The following B4GALNT2 variants were observed in gnomAD, a reference collection of about 807,000 sequenced individuals.
B4GALNT2 encodes the protein N-acetylneuraminylgalactosylglucosyl-glucoside beta-1,4-N- acetylgalactosaminyltransferase 2.
B4GALNT2 carries 42 observed loss-of-function variants against 51.1 expected under a neutral mutation model. That is an observed-to-expected ratio of 0.82 (90% CI 0.64 to 1.06). B4GALNT2 has a LOEUF of 1.06. Among genes scored for constraint, B4GALNT2 ranks in the 50% least tolerant of loss-of-function variants. The pLI is 0.00. For missense variants in B4GALNT2, 602 were observed against 633.6 expected (o/e 0.95, Z 0.54); for synonymous variants, 253 against 251.7 (o/e 1.01, Z -0.05).
rs368160389 is a variant in B4GALNT2 at position 49,140,951 on chromosome 17, G to T, written c.15-296G>T. Among the ~76,000 whole-genome samples, 414 of 151,734 alleles carry T rather than the reference G, an allele frequency of 2.7e-3. 7 individuals are homozygous for T. The highest frequency in any genetic ancestry group is 9.2e-3 in the African/African-American group (380 of 41,378). On this transcript the variant is annotated intron_variant, in intron 1 of 10. Coordinates refer to ENST00000393354, the MANE Select transcript of B4GALNT2 (RefSeq NM_001159387.2). The stretch of plus-strand genomic sequence containing the variant: ...CCAGGATGGTCTTGATTTCTTGACC[G>T]CGTGATCCGCCTGCCTCGGCCTCCC...
upstream of B4GALNT2, chr17:49,132,532 T>TAGG: frequency 2.5e-6 from 1 of 399,510 alleles, no homozygotes; most frequent in Non-Finnish European, 4.4e-6. Context: ...GGTGATAGAC[T>TAGG]AGGGGTGGAC....
intron 3 of B4GALNT2, among the ~76,000 whole-genome samples, chr17:49,142,493 C>T (rs953831945): frequency 6.6e-6 from 1 of 151,682 alleles, no homozygotes; most frequent in African/African-American, 2.4e-5. Flanking sequence ...AGTTTGAGAC[C>T]AGCTTGGGCA....
intron 10 of B4GALNT2, among the ~76,000 whole-genome samples, 161 bp downstream of exon 10, chr17:49,169,061 T>C (rs2042937551): frequency 1.3e-5 from 2 of 152,110 alleles, no homozygotes; most frequent in African/African-American, 4.8e-5. Context: ...AGGGAGCTCT[T>C]GATCTCTCTT....
At chr17:49,143,070 G>A (rs1451328005) in intron 3 of B4GALNT2, among the ~76,000 whole-genome samples, 1 of 152,116 alleles carries the variant, frequency 6.6e-6, no homozygotes, top group Non-Finnish European at 1.5e-5. Flanking sequence ...CCAACATGGT[G>A]AAACCCCATC....
chr17:49,152,590 C>A (rs976901057), intron 3 of B4GALNT2, among the ~76,000 whole-genome samples: 2 of 152,156 alleles, frequency 1.3e-5, no homozygotes, highest in African/African-American at 2.4e-5. Context: ...GCAGGAGAAT[C>A]GCTTGAGCCC....
Position 49,132,800 on chromosome 17 carries a change from C to G in B4GALNT2, c.8C>G (p.Ser3Trp). Reference sequence around the variant, plus strand: ...AGGGCGGCGGGATTCGGGATGACTTCGGGCGGGTGAGTGTCCCCGGGGCAG... The same window carrying G: ...AGGGCGGCGGGATTCGGGATGACTTGGGGCGGGTGAGTGTCCCCGGGGCAG... MT[S>W]GGSRFLWLLK... is the part of the protein sequence containing the mutation. The change falls in exon 1 of 11, where the codon TCG becomes TGG. Residue 3 changes from serine (S) to tryptophan (W), a missense_variant. Physicochemically the swap from Ser to Trp is radical, Grantham distance 177 (BLOSUM62 -3). Coordinates refer to ENST00000393354, the MANE Select transcript of B4GALNT2 (RefSeq NM_001159387.2). The G allele has an allele frequency of 7.3e-7, 1 of 1,375,262 alleles. No homozygotes were observed. Among genetic ancestry groups the G allele is most frequent in the Non-Finnish European group, 9.4e-7 (1 of 1,062,768 alleles). The allele number at this position is 1,375,262 out of a possible 1,614,324, so 85.2% of individuals were successfully genotyped here.
chr17:49,156,518 C>T lies in B4GALNT2; in HGVS notation c.461-48C>T, dbSNP rs371909190. 198 of 1,604,606 alleles carry T rather than the reference C, an allele frequency of 1.2e-4. 1 individual carries two copies. The Middle Eastern group carries it at 2.3e-3, about 19-fold the overall frequency. ...GGTTGGCGAGAGCAGCGGGGAGCTG[C>T]GATGTCTTTCATGAGCAGTTTTCTT... On this transcript the variant is annotated intron_variant, in intron 4 of 10. Transcript: ENST00000393354.
At chr17:49,150,982 T>C (rs2042748688) in intron 3 of B4GALNT2, among the ~76,000 whole-genome samples, 1 of 152,190 alleles carries the variant, frequency 6.6e-6, no homozygotes, top group East Asian at 1.9e-4. Flanking sequence ...GTATTCACTA[T>C]GATGATCTAA....
In B4GALNT2 at chr17:49,168,906, A is replaced by G; in HGVS notation, c.1315+6A>G. ...GCAACGAGTGGCTCACTCAGGTGGG[A>G]AGGCTGAAAGAGTGAGGGAGGGAGC... On this transcript the variant is annotated splice_donor_region_variant and intron_variant, in intron 10 of 10. Transcript: ENST00000393354. 4 of 1,610,360 alleles carry G rather than the reference A, an allele frequency of 2.5e-6. No individual in the cohort carries two copies. Among genetic ancestry groups the G allele is most frequent in the Non-Finnish European group, 2.5e-6 (3 of 1,178,820 alleles).
intron 10 of B4GALNT2, 78 bp downstream of exon 10, chr17:49,168,978 C>T: frequency 7.0e-7 from 1 of 1,427,266 alleles, no homozygotes; most frequent in Non-Finnish European, 9.5e-7. Context: ...AAGGGCTGTA[C>T]CCGGCTGGCT....
upstream of B4GALNT2, among the ~76,000 whole-genome samples, chr17:49,131,890 T>A (rs534174360): frequency 6.6e-6 from 1 of 152,264 alleles, no homozygotes; most frequent in South Asian, 2.1e-4. Context: ...CCTAGCACTT[T>A]GGGAGGCCGA....
At chr17:49,147,284 A>T (rs958724740) in intron 3 of B4GALNT2, among the ~76,000 whole-genome samples, 4 of 152,294 alleles carry the variant, frequency 2.6e-5, no homozygotes, top group African/African-American at 9.6e-5. Context: ...TTCCATTAAA[A>T]AGCAGCATGT....
At chr17:49,152,536 C>T (rs192147619) in intron 3 of B4GALNT2, among the ~76,000 whole-genome samples, 41 of 152,210 alleles carry the variant, frequency 2.7e-4, no homozygotes, top group Admixed American at 1.8e-3. Context: ...ATTAGCCGGG[C>T]GTGGAGGCGC....
chr17:49,171,777 T>G lies in B4GALNT2; in HGVS notation c.*2049T>G, dbSNP rs2042959042. The G allele has an allele frequency of 2.4e-6, 1 of 421,168 alleles. No individual in the cohort carries two copies. Among genetic ancestry groups the G allele is most frequent in the Admixed American group, 2.9e-5 (1 of 34,610 alleles). 26.1% of individuals were successfully genotyped at this position (421,168 alleles called of 1,614,324 possible). On this transcript the variant is annotated 3_prime_UTR_variant, in exon 11 of 11. Transcript: ENST00000393354. ...TCCATAGGAATCGTTGTGCAGCACC[T>G]CTACCTGTTCTGCAATGCAATCTTC...
Position 49,142,113 on chromosome 17 carries a change from G to C in B4GALNT2, c.294G>C (p.Gln98His). The change falls in exon 3 of 11, where the codon CAG becomes CAC. Residue 98 changes from glutamine (Q) to histidine (H), a missense_variant. Physicochemically the swap from Gln to His is conservative, Grantham distance 24. Coordinates refer to ENST00000393354, the MANE Select transcript of B4GALNT2 (RefSeq NM_001159387.2). ...GGYNFQDAYG[Q>H]SDLPAVKARR... Reference sequence around the variant, plus strand: ...ACAACTTTCAGGATGCCTATGGCCAGAGCGACCTCCCAGCGGTGAAAGCGA... The same window carrying C: ...ACAACTTTCAGGATGCCTATGGCCACAGCGACCTCCCAGCGGTGAAAGCGA... 1.2e-6 allele frequency: 2 copies of C among 1,614,124 alleles called. No homozygotes were observed. Among genetic ancestry groups the C allele is most frequent in the Non-Finnish European group, 1.7e-6 (2 of 1,180,032 alleles).
upstream of B4GALNT2, among the ~76,000 whole-genome samples, chr17:49,131,397 T>C (rs2042537138): frequency 7.3e-6 from 1 of 137,124 alleles, no homozygotes; most frequent in Non-Finnish European, 1.5e-5. Context: ...CTCACCTGCA[T>C]CAAAGTTGTA....
intron 9 of B4GALNT2, 110 bp from the exon 10 acceptor site, chr17:49,168,571 G>A: frequency 9.2e-7 from 1 of 1,083,766 alleles, no homozygotes; most frequent in Non-Finnish European, 1.4e-6. Context: ...GATAGACAGA[G>A]AAATAACAAT....
At chr17:49,130,984 CAGGGGGTTTGA>C (rs2042534510), upstream of B4GALNT2, among the ~76,000 whole-genome samples, 1 of 152,158 alleles carries the variant, frequency 6.6e-6, no homozygotes, top group Non-Finnish European at 1.5e-5. Flanking sequence ...GCTGGTGATA[CAGGGGGTTTGA>C]GGGAGCCAGC....
intron 9 of B4GALNT2, among the ~76,000 whole-genome samples, chr17:49,167,733 C>T (rs1218189942): frequency 6.6e-6 from 1 of 151,912 alleles, no homozygotes; most frequent in African/African-American, 2.4e-5. Context: ...CCTCAGCCTC[C>T]TGAGTAACTG....
Sources: allele counts gnomAD v4.1 joint callset (sites outside exome capture counted in the v4.1 genomes callset), GRCh38; gene constraint gnomAD v4.1.1; transcripts MANE v1.5; gene names NCBI Gene and HGNC (gene_info 2026-07-23, HGNC 2026-07-21).